The following CCDC9B variants were observed in gnomAD, a reference collection of about 807,000 sequenced individuals.
CCDC9B encodes coiled-coil domain-containing protein 9B.
Under a neutral mutation model 47.2 loss-of-function variants are expected in CCDC9B, and 40 were observed. The ratio of observed to expected loss-of-function variants is 0.85; its 90% CI spans 0.66 to 1.10. The LOEUF is 1.10. Among genes scored for constraint, CCDC9B ranks in the 50% least tolerant of loss-of-function variants. The pLI is 0.00. For missense variants in CCDC9B, 662 were observed against 651.0 expected (o/e 1.02, Z -0.18); for synonymous variants, 238 against 250.7 (o/e 0.95, Z 0.48).
chr15:40,337,991 A>G (rs1889002783), intron 5 of CCDC9B, 98 bp from the exon 6 acceptor site: 1 of 1,197,960 alleles, frequency 8.3e-7, no homozygotes, highest in Non-Finnish European at 1.2e-6. Context: ...AGGTTTCCAC[A>G]TCTCCAGCTA....
At chr15:40,338,468 C>T in intron 5 of CCDC9B, 67 bp downstream of exon 5, 1 of 1,564,326 alleles carries the variant, frequency 6.4e-7, no homozygotes, top group Non-Finnish European at 8.7e-7. Flanking sequence ...ATATCTGACT[C>T]AGCTTCTCTG....
chr15:40,339,404 C>T, intron 3 of CCDC9B, 108 bp downstream of exon 3: 1 of 1,229,230 alleles, frequency 8.1e-7, no homozygotes, highest in Non-Finnish European at 1.2e-6. Flanking sequence ...GGCAGGTGCA[C>T]CCCAGAATAG....
chr15:40,339,430 A>T (rs1007472083), intron 3 of CCDC9B, 82 bp downstream of exon 3: 80 of 1,447,112 alleles, frequency 5.5e-5, no homozygotes, highest in Non-Finnish European at 4.7e-5. Flanking sequence ...AGGAGAGGGG[A>T]ACAGAGGCAG....
intron 7 of CCDC9B, 135 bp downstream of exon 7, chr15:40,337,253 G>T: frequency 1.2e-6 from 1 of 834,718 alleles, no homozygotes; most frequent in Non-Finnish European, 2.0e-6. Flanking sequence ...TAGTGAGGGA[G>T]AGGAAGGAAG....
chr15:40,337,329 A>G (rs766132945), intron 7 of CCDC9B, 59 bp downstream of exon 7: 33 of 1,428,918 alleles, frequency 2.3e-5, no homozygotes, highest in Non-Finnish European at 3.3e-5. Flanking sequence ...AAGAGAGGAC[A>G]AGGGGGTGAA....
At chr15:40,339,666 A>G in intron 2 of CCDC9B, 47 bp from the exon 3 acceptor site, 2 of 1,607,712 alleles carry the variant, frequency 1.2e-6, no homozygotes. Flanking sequence ...CCCCAGGTGC[A>G]CAGAGACATA....
intron 8 of CCDC9B, 33 bp from the exon 9 acceptor site, chr15:40,336,697 G>T: frequency 6.2e-7 from 1 of 1,604,960 alleles, no homozygotes; most frequent in Non-Finnish European, 8.5e-7. Flanking sequence ...GAGAGAAGAG[G>T]CCCATAGCAG....
At chr15:40,338,723 C>T (rs377130411) in intron 4 of CCDC9B, 25 bp downstream of exon 4, 15 of 1,610,528 alleles carry the variant, frequency 9.3e-6, no homozygotes, top group East Asian at 8.9e-5. Flanking sequence ...CTGCCGATGC[C>T]TGCACTCCCC....
At chr15:40,337,553 A>G in intron 6 of CCDC9B, 107 bp from the exon 7 acceptor site, 1 of 1,204,144 alleles carries the variant, frequency 8.3e-7, no homozygotes, top group Admixed American at 2.7e-5. Context: ...GGCAGCAGGG[A>G]GATGGTGGGC....
In CCDC9B at chr15:40,338,599, G is replaced by A. The variant is rs1889018383; in HGVS notation, c.449C>T (p.Pro150Leu). ...RARNQGIEGS[P>L]GGRVTRSPPT... ...GGGGCTTCGGGTCACACGCCCTCCA[G>A]GTGACCCCTCTATGCCTTGGTTCCT... Residue 150 changes from proline to leucine, a missense_variant, in exon 5 of 11, where the codon CCT (proline) becomes CTT (leucine). Coordinates refer to ENST00000397536, the MANE Select transcript of CCDC9B (RefSeq NM_207380.3). The A allele has an allele frequency of 1.9e-6, 3 of 1,614,078 alleles. No homozygotes were observed. The African/African-American group carries it at 4.0e-5, about 22-fold the overall frequency.
chr15:40,335,287 A>G lies in CCDC9B; in HGVS notation c.1344T>C (p.Ser448=), dbSNP rs1888931537. Residue 448 remains serine (S), a synonymous_variant, in exon 11 of 11, where the codon TCT becomes TCC. Coordinates refer to ENST00000397536, the MANE Select transcript of CCDC9B (RefSeq NM_207380.3). The part of the protein sequence containing the change: ...AGLPEPGEDR[S]GKSGAQQGLA... ...GGCCCTGCTGGGCCCCAGACTTGCC[A>G]GACCTGTCTTCTCCGGGCTCTGGGA... The G allele has an allele frequency of 3.1e-6, 5 of 1,611,762 alleles. No individual in the cohort carries two copies. The highest frequency in any genetic ancestry group is 1.7e-5 in the Admixed American group (1 of 59,904).
intron 2 of CCDC9B, 109 bp downstream of exon 2, chr15:40,339,796 G>T: frequency 7.2e-7 from 1 of 1,398,058 alleles, no homozygotes. Flanking sequence ...CCCTACCCCT[G>T]GCCCCAGCCC....
intron 1 of CCDC9B, chr15:40,340,387 G>A (rs1056191118): frequency 1.5e-5 from 5 of 330,704 alleles, no homozygotes; most frequent in Admixed American, 9.1e-5. Flanking sequence ...CAGGGGATTC[G>A]GGAGGTCGAG....
intron 3 of CCDC9B, 199 bp from the exon 4 acceptor site, chr15:40,339,102 T>C (rs1889031937): frequency 1.5e-6 from 1 of 661,670 alleles, no homozygotes; most frequent in African/African-American, 1.8e-5. Flanking sequence ...CGGCCCAAGA[T>C]GCCACAGTGG....
Position 40,336,891 on chromosome 15 carries a change from G to T in CCDC9B, c.743-78C>A. On this transcript the variant is annotated intron_variant, in intron 7 of 10. Transcript: ENST00000397536. Reference sequence around the variant, plus strand: ...AGGAACACCAGTTCTTCCAGCCTCAGGAAGCTGTCAGTCCTCGGGGCCAGT... The same window carrying T: ...AGGAACACCAGTTCTTCCAGCCTCATGAAGCTGTCAGTCCTCGGGGCCAGT... 2.8e-6 allele frequency: 4 copies of T among 1,441,840 alleles called. No individual in the cohort carries two copies. The South Asian group carries it at 4.9e-5, about 18-fold the overall frequency. The allele number at this position is 1,441,840 out of a possible 1,614,324, so 89.3% of individuals were successfully genotyped here.
chr15:40,339,246 G>T, intron 3 of CCDC9B: 1 of 582,498 alleles, frequency 1.7e-6, no homozygotes, highest in South Asian at 2.0e-5. Flanking sequence ...GGGGCTTGAG[G>T]TTTAGGAGTG....
rs777021819 is a variant in CCDC9B at position 40,339,628 on chromosome 15, G to A, written c.124-9C>T. ...CGGTCCTCCTGGATCTCCTGTGGGA[G>A]GGCTGGGGGTCAGCACACGCCATGG... is the stretch of plus-strand genomic sequence containing the variant. On this transcript the variant is annotated splice_polypyrimidine_tract_variant and intron_variant, in intron 2 of 10. Coordinates refer to ENST00000397536, the MANE Select transcript of CCDC9B (RefSeq NM_207380.3). 3.1e-6 allele frequency: 5 copies of A among 1,612,750 alleles called. No homozygotes were observed. In the South Asian group the frequency reaches 4.4e-5, roughly 14 times the overall value.
intron 7 of CCDC9B, 72 bp from the exon 8 acceptor site, chr15:40,336,885 G>T: frequency 6.9e-7 from 1 of 1,455,488 alleles, no homozygotes; most frequent in Non-Finnish European, 9.4e-7. Flanking sequence ...AGTTCTTCCA[G>T]CCTCAGGAAG....
At chr15:40,338,934 G>C (rs1438294073) in intron 3 of CCDC9B, 31 bp from the exon 4 acceptor site, 2 of 1,613,688 alleles carry the variant, frequency 1.2e-6, no homozygotes, top group Admixed American at 1.7e-5. Flanking sequence ...GGCCACATGG[G>C]CAGTGCTGGG....
Sources: allele counts gnomAD v4.1 joint callset, GRCh38; gene constraint gnomAD v4.1.1; transcripts MANE v1.5; gene names NCBI Gene and HGNC (gene_info 2026-07-23, HGNC 2026-07-21).